The following PRKN variants were observed in gnomAD, a reference collection of about 807,000 sequenced individuals.
PRKN encodes parkin RBR E3 ubiquitin protein ligase.
PRKN carries 56 observed loss-of-function variants against 59.5 expected under a neutral mutation model. That is an observed-to-expected ratio of 0.94 (90% CI 0.76 to 1.18). The LOEUF (loss-of-function observed/expected upper bound fraction) is 1.18. Ranked by LOEUF, PRKN falls within the 50% of genes most tolerant of loss-of-function variation. The pLI is 0.00. For synonymous variants in PRKN, 250 were observed against 222.1 expected, an observed-to-expected ratio of 1.13 and a Z score of -1.12; for missense variants, 657 against 596.4, an observed-to-expected ratio of 1.10 and a Z score of -1.06.
At chr6:161,729,573 C>T (rs1333398616) in intron 7 of PRKN, among the ~76,000 whole-genome samples, 1 of 152,172 alleles carries the variant, frequency 6.6e-6, no homozygotes, top group African/African-American at 2.4e-5. Context: ...CCTTATTTCA[C>T]TTAAGCCAGT....
rs1787010611 is a variant in PRKN at position 161,400,723 on chromosome 6, A to C, written c.1084-13846T>G. ...ACGACCCATATGAGTTTCACTTCAC[A>C]CTGTGTTGAAGAAAAGAGCTGCAGG... is the stretch of plus-strand genomic sequence containing the variant. On this transcript the variant is annotated intron_variant, in intron 9 of 11. Coordinates refer to ENST00000366898, the MANE Select transcript of PRKN (RefSeq NM_004562.3). This position sits in a 1 kb window ranked among gnomAD's most constrained non-coding sequence, Gnocchi z 4.2. Among the ~76,000 whole-genome samples the C allele has an allele frequency of 6.6e-6, 1 of 152,038 alleles. No individual in the cohort carries two copies. The highest frequency in any genetic ancestry group is 1.5e-5 in the Non-Finnish European group (1 of 68,028).
intron 2 of PRKN, among the ~76,000 whole-genome samples, chr6:162,323,268 T>C (rs1164625170): frequency 6.7e-6 from 1 of 150,248 alleles, no homozygotes; most frequent in Non-Finnish European, 1.5e-5. Context: ...CCAATAAATG[T>C]AAAATCTAAA....
At chr6:161,884,988 A>G (rs1241717544) in intron 6 of PRKN, among the ~76,000 whole-genome samples, 1 of 152,052 alleles carries the variant, frequency 6.6e-6, no homozygotes, top group African/African-American at 2.4e-5. Context: ...AAAAAAAAAA[A>G]AATGCTATCT....
intron 7 of PRKN, among the ~76,000 whole-genome samples, chr6:161,733,778 AAAAAAATAT>A (rs1219315966): frequency 1.1e-5 from 1 of 89,882 alleles, no homozygotes; most frequent in African/African-American, 6.3e-5. Context: ...GTGAAAAAAA[AAAAAAATAT>A]ATATATATAT....
intron 4 of PRKN, among the ~76,000 whole-genome samples, chr6:162,172,967 A>G (rs1376828936): frequency 1.3e-5 from 2 of 152,112 alleles, no homozygotes; most frequent in African/African-American, 4.8e-5. Context: ...AACCCACAGA[A>G]ACAGCCTAGG....
At chr6:162,288,712 C>T (rs1368726957) in intron 2 of PRKN, among the ~76,000 whole-genome samples, 1 of 152,220 alleles carries the variant, frequency 6.6e-6, no homozygotes, top group East Asian at 1.9e-4. Flanking sequence ...TTAAACCAAG[C>T]CCACAAACAT....
At chr6:162,161,140 G>T (rs1782739865) in intron 4 of PRKN, among the ~76,000 whole-genome samples, 1 of 152,120 alleles carries the variant, frequency 6.6e-6, no homozygotes, top group Admixed American at 6.5e-5. Context: ...ATCTAGCTAG[G>T]ATCAGGCACA....
chr6:161,583,009 CACACACACACACAT>C (rs934368046), intron 7 of PRKN, among the ~76,000 whole-genome samples: 25 of 146,942 alleles, frequency 1.7e-4, no homozygotes, highest in East Asian at 8.2e-4. Flanking sequence ...CACACACACA[CACACACACACACAT>C]ACACATTTTG....
At chr6:162,515,091 T>TTC (rs1245350790) in intron 1 of PRKN, among the ~76,000 whole-genome samples, 1 of 151,638 alleles carries the variant, frequency 6.6e-6, no homozygotes, top group African/African-American at 2.4e-5. Flanking sequence ...TTACTTTTTT[T>TTC]TTTTTTTTGA....
At chr6:162,360,528 ATCTTT>A (rs1785089056) in intron 2 of PRKN, among the ~76,000 whole-genome samples, 1 of 152,224 alleles carries the variant, frequency 6.6e-6, no homozygotes, top group African/African-American at 2.4e-5. Flanking sequence ...ACAGTCAGAC[ATCTTT>A]TCTTCTTTTT....
intron 1 of PRKN, among the ~76,000 whole-genome samples, chr6:162,566,890 T>G (rs1405315569): frequency 6.6e-6 from 1 of 152,066 alleles, no homozygotes; most frequent in Non-Finnish European, 1.5e-5. Context: ...AACAAAATAC[T>G]AGCAAACTGA....
At chr6:162,137,691 G>C (rs1031284948) in intron 4 of PRKN, among the ~76,000 whole-genome samples, 1 of 152,174 alleles carries the variant, frequency 6.6e-6, no homozygotes, top group Non-Finnish European at 1.5e-5. Context: ...TGGCAAGAGA[G>C]AGCAAAGGGG....
At chr6:162,185,006 G>A (rs908561383) in intron 4 of PRKN, among the ~76,000 whole-genome samples, 1 of 152,038 alleles carries the variant, frequency 6.6e-6, no homozygotes, top group Non-Finnish European at 1.5e-5. Flanking sequence ...CTTCTGTTCT[G>A]ACTAATCTTA....
intron 2 of PRKN, among the ~76,000 whole-genome samples, chr6:162,416,361 G>C (rs1788630705): frequency 6.6e-6 from 1 of 152,188 alleles, no homozygotes; most frequent in South Asian, 2.1e-4. Context: ...TCTGTCCTTT[G>C]CTAAGAGGTG....
chr6:162,370,560 G>A (rs1785709840), intron 2 of PRKN, among the ~76,000 whole-genome samples: 1 of 152,110 alleles, frequency 6.6e-6, no homozygotes, highest in Non-Finnish European at 1.5e-5. Flanking sequence ...TTAATTGGAG[G>A]GGTGGGAGAG....
At chr6:162,576,454 T>C (rs1183488488) in intron 1 of PRKN, among the ~76,000 whole-genome samples, 1 of 152,190 alleles carries the variant, frequency 6.6e-6, no homozygotes. Flanking sequence ...TTACCCAGTG[T>C]TGAACATTCA....
At chr6:161,695,393 C>T (rs370357699) in intron 7 of PRKN, among the ~76,000 whole-genome samples, 5 of 152,182 alleles carry the variant, frequency 3.3e-5, no homozygotes, top group Non-Finnish European at 7.4e-5. Flanking sequence ...GGGGTTCTTC[C>T]GCTCCTAACA....
intron 3 of PRKN, among the ~76,000 whole-genome samples, chr6:162,202,709 A>G (rs543923072): frequency 1.1e-4 from 16 of 152,238 alleles, no homozygotes; most frequent in Non-Finnish European, 1.5e-4. Context: ...ACCATGTATT[A>G]ATGTTATAGA....
intron 9 of PRKN, among the ~76,000 whole-genome samples, chr6:161,507,811 G>A (rs1441184348): frequency 2.6e-5 from 4 of 152,018 alleles, no homozygotes; most frequent in East Asian, 1.9e-4. Flanking sequence ...TTTTCATAAC[G>A]GGTTTTCACG....
Sources: gnomAD v4.1 joint callset for allele counts (sites outside exome capture counted in the v4.1 genomes callset) on GRCh38, gnomAD v4.1.1 for gene constraint, Gnocchi (gnomAD v3.1) non-coding constraint, MANE v1.5 for transcripts, NCBI Gene and HGNC (gene_info 2026-07-23, HGNC 2026-07-21) for gene names.